The following FIBP variants were observed in gnomAD, a reference collection of about 807,000 sequenced individuals.
FIBP encodes the protein FGF1 intracellular binding protein, also known as acidic fibroblast growth factor intracellular-binding protein.
FIBP carries 29 observed loss-of-function variants against 40.5 expected under a neutral mutation model. That is an observed-to-expected ratio of 0.72 (90% CI 0.53 to 0.98). FIBP has a LOEUF of 0.98. Ranked by LOEUF, FIBP falls within the 50% of genes least tolerant of loss-of-function variation. FIBP has a pLI of 0.00. For missense variants in FIBP, 411 were observed against 470.2 expected (o/e 0.87, Z 1.16); for synonymous variants, 215 against 191.1 (o/e 1.13, Z -1.03).
rs1385912375 is a variant in FIBP at position 65,888,461 on chromosome 11, T to C, written c.-43A>G. 1 of 1,478,064 alleles carries C rather than the reference T, an allele frequency of 6.8e-7. No homozygotes were observed. The highest frequency in any genetic ancestry group is 1.4e-5 in the African/African-American group (1 of 71,694). The allele number at this position is 1,478,064 out of a possible 1,614,324, so 91.6% of individuals were successfully genotyped here. A position where few individuals can be genotyped will look rare whatever the true frequency, so the allele number is the denominator to read the frequency against. ...CAGCGCCCCGAGCAGGAGCGAGCACTGCTCGGGACTGGCGCGCCGCCTTCA... is the reference window on the plus strand; with the variant it reads ...CAGCGCCCCGAGCAGGAGCGAGCACCGCTCGGGACTGGCGCGCCGCCTTCA... On this transcript the variant is annotated 5_prime_UTR_variant, in exon 1 of 10. Coordinates refer to ENST00000357519, the MANE Select transcript of FIBP (RefSeq NM_004214.5).
chr11:65,886,730 T>A (rs1860247468), intron 3 of FIBP: 1 of 286,832 alleles, frequency 3.5e-6, no homozygotes, highest in African/African-American at 2.2e-5. Flanking sequence ...GAGACTTTCC[T>A]GGCTAAGCCC....
chr11:65,887,568 G>C lies in FIBP; in HGVS notation c.411+32C>G, dbSNP rs1415649597. 4 of 1,612,050 alleles carry C rather than the reference G, an allele frequency of 2.5e-6. No individual in the cohort carries two copies. In the East Asian group the frequency reaches 6.7e-5, roughly 27 times the overall value. Reference sequence around the variant, plus strand: ...AAAGGGAGGGAGTGAAGTGTAGATGGGATGCTGTGTCCGTGTGGATGCAGT... The same window carrying C: ...AAAGGGAGGGAGTGAAGTGTAGATGCGATGCTGTGTCCGTGTGGATGCAGT... On this transcript the variant is annotated intron_variant, in intron 3 of 9. Transcript: ENST00000357519.
Position 65,888,443 on chromosome 11 carries a change from C to T in FIBP, c.-25G>A, listed in dbSNP as rs1207758598. On this transcript the variant is annotated 5_prime_UTR_variant, in exon 1 of 10. Transcript: ENST00000357519. The stretch of plus-strand genomic sequence containing the variant: ...TGGCGACGCCCGGGGCCGCAGCGCC[C>T]CGAGCAGGAGCGAGCACTGCTCGGG... The T allele has an allele frequency of 5.8e-6, 9 of 1,547,444 alleles. No individual in the cohort carries two copies. In the South Asian group the frequency reaches 9.5e-5, roughly 16 times the overall value.
rs565550626 is a variant in FIBP at position 65,884,054 on chromosome 11, A to G, written c.1005-11T>C. On this transcript the variant is annotated splice_polypyrimidine_tract_variant and intron_variant, in intron 9 of 9. Transcript: ENST00000357519. ...CAGAGGGCCTGGTGTCTGTAAGAAC[A>G]TGAACAGTGACAGCTGAGTTTTCAC... is the stretch of plus-strand genomic sequence containing the variant. 2.1e-5 allele frequency: 34 copies of G among 1,611,396 alleles called. No individual in the cohort carries two copies. Among genetic ancestry groups the G allele is most frequent in the South Asian group, 1.9e-4 (17 of 90,634 alleles).
chr11:65,887,552 G>C, intron 3 of FIBP, 48 bp downstream of exon 3: 1 of 1,607,344 alleles, frequency 6.2e-7, no homozygotes, highest in Non-Finnish European at 8.5e-7. Flanking sequence ...CAAAGGGAGG[G>C]AGTGAAGTGT....
intron 3 of FIBP, 27 bp downstream of exon 3, chr11:65,887,573 C>T (rs771926912): frequency 6.2e-7 from 1 of 1,612,668 alleles, no homozygotes; most frequent in East Asian, 2.2e-5. Context: ...AGATGGGATG[C>T]TGTGTCCGTG....
rs749398603 is a variant in FIBP, at chr11:65,887,684, G to C, written c.327C>G (p.Gly109=). The C allele has an allele frequency of 1.2e-6, 2 of 1,614,138 alleles. No individual in the cohort carries two copies. The highest frequency in any genetic ancestry group is 3.3e-5 in the Admixed American group (2 of 60,030). Reference sequence around the variant, plus strand: ...TCTTGGTGCCTTTGGACAGCTTCTTGCCCAGCACCTCCCGAACAAAGGCCT... The same window carrying C: ...TCTTGGTGCCTTTGGACAGCTTCTTCCCCAGCACCTCCCGAACAAAGGCCT... The part of the protein sequence containing the change: ...FDEAFVREVL[G]KKLSKGTKKD... Residue 109 remains glycine, a synonymous_variant, in exon 3 of 10, where the codon GGC becomes GGG. Coordinates refer to ENST00000357519, the MANE Select transcript of FIBP (RefSeq NM_004214.5).
chr11:65,885,518 T>TG lies in FIBP; in HGVS notation c.646+11dup, dbSNP rs1445527604. Reference sequence around the variant, plus strand: ...GGAGGCGTCCAGGCACCTGGGTCAGTGGGGGCCTCACCGACGGCTCCAAGG... The same window carrying TG: ...GGAGGCGTCCAGGCACCTGGGTCAGTGGGGGGCCTCACCGACGGCTCCAAGG... On this transcript the variant is annotated intron_variant, in intron 5 of 9. Coordinates refer to ENST00000357519, the MANE Select transcript of FIBP (RefSeq NM_004214.5). 1.9e-6 allele frequency: 3 copies of TG among 1,611,992 alleles called. No individual in the cohort carries two copies. The African/African-American group carries it at 4.0e-5, about 22-fold the overall frequency.
chr11:65,886,632 C>T lies in FIBP; in HGVS notation c.412-210G>A, dbSNP rs181536567. 5.7e-6 allele frequency: 3 copies of T among 526,616 alleles called. No individual in the cohort carries two copies. In the East Asian group the frequency reaches 9.3e-5, roughly 16 times the overall value. The allele number at this position is 526,616 out of a possible 1,614,324, so 32.6% of individuals were successfully genotyped here. A position where few individuals can be genotyped will look rare whatever the true frequency, so the allele number is the denominator to read the frequency against. ...CTTAGCAACTCCTGCTGTATCTTGC[C>T]TTGGATAAATGTTTACTCAATCTTA... is the stretch of plus-strand genomic sequence containing the variant. On this transcript the variant is annotated intron_variant, in intron 3 of 9. Coordinates refer to ENST00000357519, the MANE Select transcript of FIBP (RefSeq NM_004214.5).
chr11:65,886,297 G>C (rs1272547144), intron 4 of FIBP, 25 bp downstream of exon 4: 1 of 1,524,102 alleles, frequency 6.6e-7, no homozygotes, highest in South Asian at 1.1e-5. Context: ...TAGTGTGCGG[G>C]ATGGGGAGGT....
In FIBP at chr11:65,887,707, C is replaced by T. The variant is rs549089167; in HGVS notation, c.304G>A (p.Ala102Thr). The T allele has an allele frequency of 3.7e-6, 6 of 1,614,142 alleles. No homozygotes were observed. The highest frequency in any genetic ancestry group is 2.2e-5 in the East Asian group (1 of 44,880). The stretch of plus-strand genomic sequence containing the variant: ...TTGCCCAGCACCTCCCGAACAAAGG[C>T]CTCATCAAAGGCATAGTACCTTGTG... Reference protein sequence around the residue: ...LIERYYAFDEAFVREVLGKKL... With the variant: ...LIERYYAFDETFVREVLGKKL... The change falls in exon 3 of 10, where the codon GCC becomes ACC. Residue 102 changes from alanine to threonine, a missense_variant. Ala to Thr is a moderately conservative substitution (Grantham distance 58). Coordinates refer to ENST00000357519, the MANE Select transcript of FIBP (RefSeq NM_004214.5).
In FIBP at chr11:65,883,761, T is replaced by C. The variant is rs1336316245; in HGVS notation, c.*213A>G. On this transcript the variant is annotated 3_prime_UTR_variant, in exon 10 of 10. Coordinates refer to ENST00000357519, the MANE Select transcript of FIBP (RefSeq NM_004214.5). ...CCTCTGGCTTGTGAGCAGACTCTTC[T>C]GGTGGATGGGCTGAGCACAGACACC... is the stretch of plus-strand genomic sequence containing the variant. 2 of 807,280 alleles carry C rather than the reference T, an allele frequency of 2.5e-6. No individual in the cohort carries two copies. The highest frequency in any genetic ancestry group is 4.0e-6 in the Non-Finnish European group (2 of 498,578). 50.0% of individuals were successfully genotyped at this position (807,280 alleles called of 1,614,324 possible). A position where few individuals can be genotyped will look rare whatever the true frequency, so the allele number is the denominator to read the frequency against.
intron 2 of FIBP, 68 bp from the exon 3 acceptor site, chr11:65,887,794 C>T (rs781040692): frequency 2.7e-6 from 4 of 1,478,696 alleles, no homozygotes; most frequent in Non-Finnish European, 3.7e-6. Context: ...CGGGGCCTAG[C>T]AGGGCCTAGG....
chr11:65,885,698 G>A, intron 4 of FIBP, 35 bp from the exon 5 acceptor site: 1 of 1,566,228 alleles, frequency 6.4e-7, no homozygotes, highest in Non-Finnish European at 8.7e-7. Context: ...CTTAGGGCTT[G>A]AAATTCCTTC....
rs773251260 is a variant in FIBP at position 65,884,614 on chromosome 11, G to C, written c.862C>G (p.His288Asp). The C allele has an allele frequency of 3.1e-6, 5 of 1,614,152 alleles. No individual in the cohort carries two copies. Among genetic ancestry groups the C allele is most frequent in the Non-Finnish European group, 4.2e-6 (5 of 1,180,014 alleles). ...AACAGGTCTCTGACATCTTTATTGTGGGTCAGCTTGGCGGCCACGTTCACC... is the reference window on the plus strand; with the variant it reads ...AACAGGTCTCTGACATCTTTATTGTCGGTCAGCTTGGCGGCCACGTTCACC... ...GLVNVAAKLT[H>D]NKDVRDLFVD... Residue 288 changes from histidine (H) to aspartate (D), a missense_variant, in exon 8 of 10, where the codon CAC becomes GAC. Physicochemically the swap from His to Asp is moderately conservative, Grantham distance 81 (BLOSUM62 -1). Coordinates refer to ENST00000357519, the MANE Select transcript of FIBP (RefSeq NM_004214.5).
intron 7 of FIBP, 61 bp from the exon 8 acceptor site, chr11:65,884,717 G>A: frequency 1.3e-6 from 2 of 1,559,222 alleles, no homozygotes; most frequent in East Asian, 2.2e-5. Flanking sequence ...GCTGAGCACA[G>A]AAGCTGGGGG....
In FIBP at chr11:65,884,646, C is replaced by T. The variant is rs1232799652; in HGVS notation, c.830G>A (p.Arg277Gln). 6.2e-7 allele frequency: 1 copy of T among 1,613,962 alleles called. No individual in the cohort carries two copies. The highest frequency in any genetic ancestry group is 8.5e-7 in the Non-Finnish European group (1 of 1,180,020). ...EMEANFKNLS[R>Q]GLVNVAAKLT... Reference sequence around the variant, plus strand: ...CTTGGCGGCCACGTTCACCAGCCCCCGGGACAGGTTCTGTGGGGCAGGGAT... The same window carrying T: ...CTTGGCGGCCACGTTCACCAGCCCCTGGGACAGGTTCTGTGGGGCAGGGAT... Residue 277 changes from arginine (R) to glutamine (Q), a missense_variant, in exon 8 of 10, where the codon CGG (arginine) becomes CAG (glutamine). Physicochemically the swap from Arg to Gln is conservative, Grantham distance 43. Transcript: ENST00000357519.
intron 7 of FIBP, 63 bp from the exon 8 acceptor site, chr11:65,884,719 A>C (rs1860185031): frequency 1.9e-6 from 3 of 1,557,284 alleles, no homozygotes; most frequent in Admixed American, 1.7e-5. Flanking sequence ...TGAGCACAGA[A>C]GCTGGGGGAG....
chr11:65,884,570 CT>C lies in FIBP; in HGVS notation c.905del (p.Lys302SerfsTer20), dbSNP rs1483512134. ...VRDLFVDLVEKFVEPCRSDHW... is the reference protein window; with the variant it reads ...VRDLFVDLVEXFVEPCRSDHW... ...GGTGTCAGAGAGCACGACAGCTCACCTTCTCCACGAGGTCCACAAACAGGTC... is the reference window on the plus strand; with the variant it reads ...GGTGTCAGAGAGCACGACAGCTCACCTCTCCACGAGGTCCACAAACAGGTC... On this transcript the variant is annotated frameshift_variant and splice_region_variant, in exon 8 of 10. Coordinates refer to ENST00000357519, the MANE Select transcript of FIBP (RefSeq NM_004214.5). LOFTEE classifies it high-confidence loss of function. 1 of 1,614,204 alleles carries C rather than the reference CT, an allele frequency of 6.2e-7. No homozygotes were observed. Among genetic ancestry groups the C allele is most frequent in the East Asian group, 2.2e-5 (1 of 44,886 alleles).
Sources: allele counts gnomAD v4.1 joint callset, GRCh38; gene constraint gnomAD v4.1.1; transcripts MANE v1.5; gene names NCBI Gene and HGNC (gene_info 2026-07-23, HGNC 2026-07-21).